PSD3: variants seen among roughly 807,000 people sequenced by gnomAD.
The protein encoded by PSD3 is pleckstrin and Sec7 domain containing 3.
In PSD3, 49 loss-of-function variants were observed where a neutral mutation model predicts 105.5. The ratio of observed to expected loss-of-function variants is 0.46; its 90% CI spans 0.37 to 0.59. PSD3 has a LOEUF of 0.59. Among genes scored for constraint, PSD3 ranks in the 20% least tolerant of loss-of-function variants. The pLI, the probability that PSD3 is intolerant of heterozygous loss-of-function variation, is 0.00. For synonymous variants in PSD3, 557 were observed against 457.8 expected (o/e 1.22, Z -2.77); for missense variants, 1,561 against 1,263.8 (o/e 1.24, Z -3.57).
At chr8:19,061,119 CCCCTT>C (rs1435825688) in intron 1 of PSD3, among the ~76,000 whole-genome samples, 1 of 152,134 alleles carries the variant, frequency 6.6e-6, no homozygotes, top group Non-Finnish European at 1.5e-5. Flanking sequence ...TTTATCCTCA[CCCCTT>C]CCCATTTTCC....
intron 4 of PSD3, among the ~76,000 whole-genome samples, chr8:18,809,928 T>C (rs1332635929): frequency 6.6e-6 from 1 of 152,024 alleles, no homozygotes; most frequent in Non-Finnish European, 1.5e-5. Flanking sequence ...ACCTGCATGC[T>C]ACCACCACAA....
At chr8:18,730,285 T>C (rs1803647856) in intron 9 of PSD3, 1 of 152,226 alleles carries the variant, frequency 6.6e-6, no homozygotes, top group Non-Finnish European at 1.5e-5. Flanking sequence ...TCATCAACAC[T>C]GCTACCAAAT....
intron 9 of PSD3, among the ~76,000 whole-genome samples, chr8:18,686,129 A>G (rs1392096145): frequency 1.3e-5 from 2 of 152,202 alleles, no homozygotes; most frequent in African/African-American, 2.4e-5. Context: ...GTTTAGCAGA[A>G]GGACGCCATC....
chr8:18,993,859 T>TATCA (rs5889840), intron 1 of PSD3, among the ~76,000 whole-genome samples: 66,992 of 151,502 alleles, frequency 0.44, 15,467 homozygotes, highest in Non-Finnish European at 0.5. Flanking sequence ...AATTTGATTA[T>TATCA]ATCAAACAAT....
intron 1 of PSD3, among the ~76,000 whole-genome samples, chr8:19,034,300 A>G (rs1827873738): frequency 1.3e-5 from 2 of 152,324 alleles, no homozygotes; most frequent in South Asian, 4.1e-4. Flanking sequence ...TACAATATAG[A>G]AAAGGTTAAA....
chr8:18,665,339 TGAGAC>T, intron 9 of PSD3, among the ~76,000 whole-genome samples: 1 of 152,222 alleles, frequency 6.6e-6, no homozygotes, highest in East Asian at 1.9e-4. Context: ...TTGGGGGGTT[TGAGAC>T]TTCAGCAGAG....
At chr8:18,850,292 T>A (rs897685134) in intron 4 of PSD3, among the ~76,000 whole-genome samples, 2 of 152,218 alleles carry the variant, frequency 1.3e-5, no homozygotes, top group African/African-American at 4.8e-5. Flanking sequence ...CATGGTGGCA[T>A]CTCTATTTCA....
intron 9 of PSD3, among the ~76,000 whole-genome samples, chr8:18,673,699 G>T (rs185770180): frequency 1.3e-5 from 2 of 152,302 alleles, no homozygotes; most frequent in Non-Finnish European, 2.9e-5. Context: ...AAGTAGAGAG[G>T]GAAGAGACGC....
intron 2 of PSD3, among the ~76,000 whole-genome samples, chr8:18,892,392 T>A (rs1038523756): frequency 3.3e-5 from 5 of 150,992 alleles, no homozygotes; most frequent in African/African-American, 1.2e-4. Context: ...CCCAGCTAAT[T>A]TTTTGTATTT....
chr8:18,814,208 T>C (rs1339463995), intron 4 of PSD3, among the ~76,000 whole-genome samples: 1 of 152,180 alleles, frequency 6.6e-6, no homozygotes, highest in Non-Finnish European at 1.5e-5. Flanking sequence ...TCTTCACCAA[T>C]AAAAAATTTT....
chr8:18,671,671 C>T (rs193056526), intron 9 of PSD3, among the ~76,000 whole-genome samples: 118 of 150,158 alleles, frequency 7.9e-4, no homozygotes, highest in Middle Eastern at 3.5e-3. Flanking sequence ...CTCGCTTTGT[C>T]GCCCAGGCTG....
At chr8:18,854,690 A>C (rs1815861821) in intron 4 of PSD3, among the ~76,000 whole-genome samples, 1 of 152,262 alleles carries the variant, frequency 6.6e-6, no homozygotes, top group Admixed American at 6.5e-5. Flanking sequence ...AATAGATTTA[A>C]GTCATTAATA....
intron 2 of PSD3, among the ~76,000 whole-genome samples, chr8:18,922,445 G>T (rs765824578): frequency 6.6e-6 from 1 of 152,186 alleles, no homozygotes; most frequent in African/African-American, 2.4e-5. Context: ...GAGAACACAG[G>T]AATAAACTAA....
At chr8:18,655,050 G>A (rs374224112) in intron 10 of PSD3, among the ~76,000 whole-genome samples, 270 of 152,114 alleles carry the variant, frequency 1.8e-3, no homozygotes, top group African/African-American at 6.1e-3. Flanking sequence ...AAGGCCGGGC[G>A]TGGTCGCTCA....
At chr8:18,901,138 T>C (rs1032331156) in intron 2 of PSD3, among the ~76,000 whole-genome samples, 2 of 152,232 alleles carry the variant, frequency 1.3e-5, no homozygotes, top group Admixed American at 1.3e-4. Flanking sequence ...CTACATATAT[T>C]TTATGAATTC....
In PSD3 at chr8:18,926,084, T is replaced by A. The variant is rs147088408; in HGVS notation, c.130+9950A>T. Among the ~76,000 whole-genome samples, 485 of 151,500 alleles carry A rather than the reference T, an allele frequency of 3.2e-3. 1 individual carries two copies. Among genetic ancestry groups the A allele is most frequent in the African/African-American group, 0.011 (463 of 41,306 alleles). On this transcript the variant is annotated intron_variant, in intron 2 of 15. Coordinates refer to ENST00000327040, the MANE Select transcript of PSD3 (RefSeq NM_015310.4). ...ACTGCTTAGCTATCCTGAACACATT[T>A]ATTTTTTCACCATATTAATGGTATG...
chr8:18,859,407 C>G (rs1563353530), intron 4 of PSD3, among the ~76,000 whole-genome samples: 1 of 152,092 alleles, frequency 6.6e-6, no homozygotes, highest in African/African-American at 2.4e-5. Context: ...GGAAAATGAG[C>G]ACTAACTTCA....
At chr8:18,935,618 G>A (rs1046041518) in intron 2 of PSD3, among the ~76,000 whole-genome samples, 2 of 151,248 alleles carry the variant, frequency 1.3e-5, no homozygotes, top group African/African-American at 4.9e-5. Flanking sequence ...GATCATTTGA[G>A]CCTGGAGGTC....
At chr8:19,070,458 C>T (rs956275672) in intron 1 of PSD3, among the ~76,000 whole-genome samples, 1 of 151,138 alleles carries the variant, frequency 6.6e-6, no homozygotes, top group African/African-American at 2.4e-5. Context: ...GGTAGATCAC[C>T]TGAGGTCAGG....
Sources: allele counts gnomAD v4.1 joint callset (sites outside exome capture counted in the v4.1 genomes callset), GRCh38; gene constraint gnomAD v4.1.1; transcripts MANE v1.5; gene names NCBI Gene and HGNC (gene_info 2026-07-23, HGNC 2026-07-21).